EDEM2: variants seen among roughly 807,000 people sequenced by gnomAD.
EDEM2 encodes the protein ER degradation enhancing alpha-mannosidase like protein 2.
Under a neutral mutation model 64.8 loss-of-function variants are expected in EDEM2, and 39 were observed. That is an observed-to-expected ratio of 0.60 (90% CI 0.47 to 0.79). EDEM2 has a LOEUF of 0.79. EDEM2 is among the 30% of genes least tolerant of loss of function. The probability of loss-of-function intolerance (pLI) is 0.00; values close to 1 mark genes in which losing one functional copy is unlikely to be tolerated. For synonymous variants in EDEM2, 296 were observed against 291.5 expected (o/e 1.02, Z -0.16); for missense variants, 609 against 731.3 (o/e 0.83, Z 1.93).
At chr20:35,127,851 T>C (rs1471395372) in intron 7 of EDEM2, among the ~76,000 whole-genome samples, 2 of 152,198 alleles carry the variant, frequency 1.3e-5, no homozygotes, top group Admixed American at 6.5e-5. Context: ...GGTGGTCCTA[T>C]AAAATTATAA....
At chr20:35,134,697 G>A (rs377400459) in intron 6 of EDEM2, 41 bp downstream of exon 6, 6 of 1,606,492 alleles carry the variant, frequency 3.7e-6, no homozygotes, top group East Asian at 2.2e-5. Flanking sequence ...CCTGGGCCTC[G>A]TAAGCAGGGA....
In EDEM2 at chr20:35,132,835, G is replaced by A. The variant is rs117324932; in HGVS notation, c.703-1052C>T. On this transcript the variant is annotated intron_variant, in intron 6 of 10. Transcript: ENST00000374492. Reference sequence around the variant, plus strand: ...TTACAGGCGTGAGCCACTGCGCCCAGCCAAATATATGTATTTTTCATATGG... The same window carrying A: ...TTACAGGCGTGAGCCACTGCGCCCAACCAAATATATGTATTTTTCATATGG... Among the ~76,000 whole-genome samples, 271 of 152,220 alleles carry A rather than the reference G, an allele frequency of 1.8e-3. 1 individual carries two copies. Among genetic ancestry groups the A allele is most frequent in the Non-Finnish European group, 3.4e-3 (228 of 68,018 alleles).
At chr20:35,116,055 G>T in intron 10 of EDEM2, 122 bp from the exon 11 acceptor site, 1 of 985,852 alleles carries the variant, frequency 1.0e-6, no homozygotes. Context: ...GCAAATCACT[G>T]AACTTTTCAG....
At chr20:35,133,528 G>A (rs549614902) in intron 6 of EDEM2, among the ~76,000 whole-genome samples, 4 of 151,220 alleles carry the variant, frequency 2.6e-5, no homozygotes, top group East Asian at 1.9e-4. Flanking sequence ...ATGCAATGGC[G>A]CGATCTCGGC....
intron 4 of EDEM2, among the ~76,000 whole-genome samples, chr20:35,141,344 T>G (rs7361656): frequency 0.19 from 28,223 of 151,932 alleles, 3,014 homozygotes; most frequent in East Asian, 0.26. Flanking sequence ...CATGGGAAAA[T>G]GTCAACCAAA....
At chr20:35,117,589 T>C (rs775415033) in intron 10 of EDEM2, among the ~76,000 whole-genome samples, 8 of 152,182 alleles carry the variant, frequency 5.3e-5, no homozygotes, top group East Asian at 1.9e-4. Flanking sequence ...CCCTTCCACA[T>C]GTAGGTCTTC....
Position 35,134,829 on chromosome 20 carries a change from G to A in EDEM2, c.611C>T (p.Thr204Ile). 6.2e-7 allele frequency: 1 copy of A among 1,614,162 alleles called. No homozygotes were observed. Among genetic ancestry groups the A allele is most frequent in the East Asian group, 2.2e-5 (1 of 44,888 alleles). The change falls in exon 6 of 11, where the codon ACC (threonine) becomes ATC (isoleucine). Residue 204 changes from threonine (T) to isoleucine (I), a missense_variant. By Grantham distance (89) the Thr-to-Ile change is moderately conservative (BLOSUM62 -1). Coordinates refer to ENST00000374492, the MANE Select transcript of EDEM2 (RefSeq NM_018217.3). ...CGGGTCACCAGTGAGGCTGCTCAGG[G>A]TGGCAAATTCAACAATGAAGGTCCC... ...GIGTFIVEFA[T>I]LSSLTGDPVF...
intron 7 of EDEM2, among the ~76,000 whole-genome samples, chr20:35,127,848 C>T (rs1356281733): frequency 6.6e-6 from 1 of 152,032 alleles, no homozygotes; most frequent in African/African-American, 2.4e-5. Context: ...GATGGTGGTC[C>T]TATAAAATTA....
intron 2 of EDEM2, among the ~76,000 whole-genome samples, 164 bp downstream of exon 2, chr20:35,146,661 A>G (rs6058193): frequency 0.22 from 33,940 of 151,972 alleles, 3,961 homozygotes; most frequent in Middle Eastern, 0.35. Flanking sequence ...GGCTAAGTGG[A>G]TCCTGGAGGT....
intron 3 of EDEM2, among the ~76,000 whole-genome samples, chr20:35,143,577 T>A (rs2085686880): frequency 6.6e-6 from 1 of 152,210 alleles, no homozygotes; most frequent in Non-Finnish European, 1.5e-5. Flanking sequence ...GTTAGCCAAA[T>A]GCAATCTCAA....
chr20:35,137,498 G>C (rs958753667), intron 5 of EDEM2, among the ~76,000 whole-genome samples: 12 of 152,160 alleles, frequency 7.9e-5, no homozygotes, highest in African/African-American at 2.9e-4. Flanking sequence ...CTAGAATCCA[G>C]GGCTGCTAAT....
intron 6 of EDEM2, 28 bp downstream of exon 6, chr20:35,134,710 C>CA: frequency 6.2e-7 from 1 of 1,611,240 alleles, no homozygotes; most frequent in South Asian, 1.1e-5. Flanking sequence ...AGCAGGGACT[C>CA]AAACAGGAAG....
At chr20:35,146,745 G>T in intron 2 of EDEM2, 80 bp downstream of exon 2, 1 of 1,471,354 alleles carries the variant, frequency 6.8e-7, no homozygotes, top group Non-Finnish European at 9.3e-7. Context: ...AGACCATGAA[G>T]CCACCAGCCC....
At position 35,115,382 on chromosome 20, in the gene EDEM2, T is replaced by C; in HGVS notation, c.*51A>G. ...ACCAAAATATGATAGCCAAAAGCAATTTATTATAGTTTAGCCTCAAAAAAA... is the reference window on the plus strand; with the variant it reads ...ACCAAAATATGATAGCCAAAAGCAACTTATTATAGTTTAGCCTCAAAAAAA... On this transcript the variant is annotated 3_prime_UTR_variant, in exon 11 of 11. Coordinates refer to ENST00000374492, the MANE Select transcript of EDEM2 (RefSeq NM_018217.3). 6.4e-7 allele frequency: 1 copy of C among 1,552,796 alleles called. No individual in the cohort carries two copies. The highest frequency in any genetic ancestry group is 2.0e-5 in the Admixed American group (1 of 49,788).
At position 35,124,684 on chromosome 20, in the gene EDEM2, G is replaced by C. The variant is rs149882779; in HGVS notation, c.970-650C>G. Among the ~76,000 whole-genome samples, 124 of 152,042 alleles carry C rather than the reference G, an allele frequency of 8.2e-4. 3 individuals are homozygous for C. The highest frequency in any genetic ancestry group is 2.8e-3 in the African/African-American group (116 of 41,460). ...TGCCTGGCCTCAGATAAACATTACT[G>C]GTTTCTTGTATAACCTTTCAGAGTT... is the stretch of plus-strand genomic sequence containing the variant. On this transcript the variant is annotated intron_variant, in intron 8 of 10. Transcript: ENST00000374492.
intron 8 of EDEM2, among the ~76,000 whole-genome samples, chr20:35,124,296 T>C (rs2085404031): frequency 6.6e-6 from 1 of 152,186 alleles, no homozygotes; most frequent in South Asian, 2.1e-4. Context: ...TCAGAGTCAA[T>C]GTCAGCTAAC....
In EDEM2 at chr20:35,130,199, T is replaced by C. The variant is rs373081559; in HGVS notation, c.844+1443A>G. On this transcript the variant is annotated intron_variant, in intron 7 of 10. Transcript: ENST00000374492. ...TCCTTCACCTTGGCCTCCCAAGTAG[T>C]GGGGACTACAGGCACGCACCATCAT... 4.5e-4 allele frequency among the ~76,000 whole-genome samples: 68 copies of C among 152,114 alleles called. No homozygotes were observed. In the East Asian group the frequency reaches 9.1e-3, roughly 20 times the overall value.
chr20:35,142,275 G>A (rs962119178), intron 4 of EDEM2, 98 bp downstream of exon 4: 8 of 974,840 alleles, frequency 8.2e-6, no homozygotes, highest in Non-Finnish European at 1.2e-5. Context: ...AAGGGTCCTG[G>A]CATGGTCAGT....
rs375464106 is a variant in EDEM2, at chr20:35,118,715, A to C, written c.1119T>G (p.Leu373=). 24 of 1,612,094 alleles carry C rather than the reference A, an allele frequency of 1.5e-5. No homozygotes were observed. The highest frequency in any genetic ancestry group is 2.2e-4 in the Middle Eastern group (1 of 4,566). The change falls in exon 10 of 11, where the codon CTT becomes CTG. Residue 373 remains leucine (L), a synonymous_variant. Transcript: ENST00000374492. ...KREGYPLRPE[L]IESAMYLYRA... ...GGTAGAGGTACATTGCGCTTTCAAT[A>C]AGTTCTGCAAAGTCCAAAGCAGACC... is the stretch of plus-strand genomic sequence containing the variant.
Sources: gnomAD v4.1 joint callset for allele counts (sites outside exome capture counted in the v4.1 genomes callset) on GRCh38, gnomAD v4.1.1 for gene constraint, MANE v1.5 for transcripts, NCBI Gene and HGNC (gene_info 2026-07-23, HGNC 2026-07-21) for gene names.